Variants in ISCA1 observed in about 807,000 individuals in gnomAD.
ISCA1 encodes the protein iron-sulfur cluster assembly 1.
Under a neutral mutation model 14.7 loss-of-function variants are expected in ISCA1, and 9 were observed. The observed-to-expected ratio is 0.61, with a 90% CI of 0.37 to 1.07. The LOEUF is 1.07. Among genes scored for constraint, ISCA1 ranks in the 50% least tolerant of loss-of-function variants. The pLI is 0.01. For missense variants in ISCA1, 102 were observed against 150.1 expected, an observed-to-expected ratio of 0.68 and a Z score of 1.67; for synonymous variants, 38 against 54.3, an observed-to-expected ratio of 0.70 and a Z score of 1.32.
chr9:86,265,859 C>A lies in ISCA1; in HGVS notation c.*184G>T, dbSNP rs1825286725. The stretch of plus-strand genomic sequence containing the variant: ...CTAAATGATCCAAAAAGAGTGATGG[C>A]TTCTCATTTTCTGTCCCCTATAGAG... On this transcript the variant is annotated 3_prime_UTR_variant, in exon 4 of 4. Coordinates refer to ENST00000375991, the MANE Select transcript of ISCA1 (RefSeq NM_030940.4). 1.0e-6 allele frequency: 1 copy of A among 952,828 alleles called. No homozygotes were observed. Among genetic ancestry groups the A allele is most frequent in the Non-Finnish European group, 1.7e-6 (1 of 603,212 alleles). 59.0% of individuals were successfully genotyped at this position (952,828 alleles called of 1,614,324 possible).
intron 3 of ISCA1, among the ~76,000 whole-genome samples, chr9:86,270,091 T>C (rs1825347669): frequency 1.3e-5 from 2 of 150,298 alleles, no homozygotes; most frequent in Admixed American, 6.6e-5. Context: ...AATTGACAAA[T>C]GGGATCTAAT....
rs1439053404 is a variant in ISCA1, at chr9:86,265,642, A to T, written c.*401T>A. The stretch of plus-strand genomic sequence containing the variant: ...TGGGTGGAAAAAACAATGCACCACC[A>T]TATTACTACCAGCAGTCACGATGTC... On this transcript the variant is annotated 3_prime_UTR_variant, in exon 4 of 4. Coordinates refer to ENST00000375991, the MANE Select transcript of ISCA1 (RefSeq NM_030940.4). 4.3e-6 allele frequency: 1 copy of T among 233,396 alleles called. No homozygotes were observed. The highest frequency in any genetic ancestry group is 5.8e-5 in the South Asian group (1 of 17,112). The allele number at this position is 233,396 out of a possible 1,614,324, so 14.5% of individuals were successfully genotyped here.
At position 86,268,271 on chromosome 9, in the gene ISCA1, T is replaced by C. The variant is rs28893219; in HGVS notation, c.242-2080A>G. Among the ~76,000 whole-genome samples the C allele has an allele frequency of 1.6e-3, 251 of 152,226 alleles. 2 individuals carry two copies. The highest frequency in any genetic ancestry group is 5.6e-3 in the African/African-American group (231 of 41,532). On this transcript the variant is annotated intron_variant, in intron 3 of 3. Coordinates refer to ENST00000375991, the MANE Select transcript of ISCA1 (RefSeq NM_030940.4). ...AGGTGGTGGAAGACAGGGATATTGA[T>C]GAACCTGACCCTGTGGAGGCCTAAG...
chr9:86,270,639 C>T (rs952757687), intron 3 of ISCA1, among the ~76,000 whole-genome samples: 17 of 152,050 alleles, frequency 1.1e-4, no homozygotes, highest in African/African-American at 9.7e-5. Context: ...AAGACACATG[C>T]ACACGTATGT....
At position 86,282,349 on chromosome 9, in the gene ISCA1, G is replaced by C; in HGVS notation, c.81+29C>G. 3 of 1,535,998 alleles carry C rather than the reference G, an allele frequency of 2.0e-6. No individual in the cohort carries two copies. The South Asian group carries it at 3.6e-5, about 18-fold the overall frequency. ...ACGGGGCGGACACGAGCAATGTCACGGGCCCCGCCGCGCGCCGCGAGCACT... is the reference window on the plus strand; with the variant it reads ...ACGGGGCGGACACGAGCAATGTCACCGGCCCCGCCGCGCGCCGCGAGCACT... On this transcript the variant is annotated intron_variant, in intron 1 of 3. Transcript: ENST00000375991.
In ISCA1 at chr9:86,282,535, C is replaced by T. The variant is rs897791443; in HGVS notation, c.-77G>A. 3.2e-6 allele frequency: 5 copies of T among 1,549,138 alleles called. No individual in the cohort carries two copies. Among genetic ancestry groups the T allele is most frequent in the Admixed American group, 2.0e-5 (1 of 50,958 alleles). On this transcript the variant is annotated 5_prime_UTR_variant, in exon 1 of 4. The change abolishes an upstream ATG in the 5' untranslated region. Coordinates refer to ENST00000375991, the MANE Select transcript of ISCA1 (RefSeq NM_030940.4). ...CTTCTCTCCATGGACACGGCGGGCG[C>T]ATTGACGCCACAAGCTTCGGCGCAC...
intron 3 of ISCA1, 125 bp from the exon 4 acceptor site, chr9:86,266,316 T>C: frequency 7.1e-7 from 1 of 1,399,446 alleles, no homozygotes; most frequent in Admixed American, 2.9e-5. Context: ...TTGAACATTT[T>C]AAATTATTTC....
chr9:86,276,743 C>T (rs1217679251), intron 1 of ISCA1, among the ~76,000 whole-genome samples: 10 of 151,824 alleles, frequency 6.6e-5, no homozygotes, highest in South Asian at 4.2e-4. Context: ...TGATGGCATG[C>T]GCCTGTAATC....
intron 3 of ISCA1, 64 bp downstream of exon 3, chr9:86,271,943 G>T: frequency 1.2e-6 from 1 of 833,462 alleles, no homozygotes; most frequent in South Asian, 1.4e-5. Context: ...TTTACTTTGT[G>T]CTGTGCAAGG....
intron 3 of ISCA1, among the ~76,000 whole-genome samples, 179 bp from the exon 4 acceptor site, chr9:86,266,370 C>T (rs929860140): frequency 2.6e-5 from 4 of 152,064 alleles, no homozygotes; most frequent in Admixed American, 2.6e-4. Flanking sequence ...CCCTTCTTTC[C>T]CACACATGAA....
At position 86,272,152 on chromosome 9, in the gene ISCA1, G is replaced by A. The variant is rs747418596; in HGVS notation, c.136-40C>T. The A allele has an allele frequency of 8.3e-6, 10 of 1,203,764 alleles. No homozygotes were observed. The Admixed American group carries it at 1.8e-4, about 22-fold the overall frequency. The allele number at this position is 1,203,764 out of a possible 1,614,324, so 74.6% of individuals were successfully genotyped here. A position where few individuals can be genotyped will look rare whatever the true frequency, so the allele number is the denominator to read the frequency against. ...AAAATATAAACTTGGTTTTAAAGTA[G>A]TACAGATTAAACAATTATACTAATA... On this transcript the variant is annotated intron_variant, in intron 2 of 3. Transcript: ENST00000375991.
chr9:86,267,835 TAA>T (rs34344174), intron 3 of ISCA1: 63 of 117,686 alleles, frequency 5.4e-4, no homozygotes, highest in Middle Eastern at 3.8e-3. Flanking sequence ...CATCTCAAAT[TAA>T]AAAAAAAAAA....
chr9:86,271,885 C>T (rs747679202), intron 3 of ISCA1, 122 bp downstream of exon 3: 33 of 632,806 alleles, frequency 5.2e-5, no homozygotes, highest in Non-Finnish European at 8.3e-5. Context: ...ACAACACCTA[C>T]ACACACAGTG....
chr9:86,271,032 T>C (rs984610904), intron 3 of ISCA1, among the ~76,000 whole-genome samples: 2 of 151,524 alleles, frequency 1.3e-5, no homozygotes, highest in African/African-American at 4.8e-5. Flanking sequence ...GCATGGCACA[T>C]GTATACATAT....
At position 86,282,444 on chromosome 9, in the gene ISCA1, T is replaced by C. The variant is rs751851283; in HGVS notation, c.15A>G (p.Leu5=). 6 of 1,554,144 alleles carry C rather than the reference T, an allele frequency of 3.9e-6. No homozygotes were observed. In the South Asian group the frequency reaches 7.1e-5, roughly 18 times the overall value. Residue 5 remains leucine, a synonymous_variant, in exon 1 of 4, where the codon TTA becomes TTG. Coordinates refer to ENST00000375991, the MANE Select transcript of ISCA1 (RefSeq NM_030940.4). MSAS[L]VRATVRAVSK... is the part of the protein sequence containing the mutation. ...TCACAGCCCGGACAGTTGCCCGGAC[T>C]AAGGAAGCCGACATCTTCGCCGTCC... is the stretch of plus-strand genomic sequence containing the variant.
chr9:86,266,097 G>T lies in ISCA1; in HGVS notation c.336C>A (p.Phe112Leu). The T allele has an allele frequency of 6.2e-7, 1 of 1,612,844 alleles. No individual in the cohort carries two copies. The highest frequency in any genetic ancestry group is 8.5e-7 in the Non-Finnish European group (1 of 1,179,702). Residue 112 changes from phenylalanine to leucine, a missense_variant, in exon 4 of 4, where the codon TTC becomes TTA. Coordinates refer to ENST00000375991, the MANE Select transcript of ISCA1 (RefSeq NM_030940.4). Reference protein sequence around the residue: ...VEDKLSSEFVFNNPNIKGTCG... With the variant: ...VEDKLSSEFVLNNPNIKGTCG... ...AAGTCCCTTTGATGTTTGGGTTATT[G>T]AACACAAACTCACTGGATAATTTGT...
chr9:86,277,020 T>C (rs1483132323), intron 1 of ISCA1, among the ~76,000 whole-genome samples: 2 of 152,144 alleles, frequency 1.3e-5, no homozygotes, highest in Admixed American at 1.3e-4. Context: ...AATGTGTCTG[T>C]CACACTACTC....
rs561276699 is a variant in ISCA1 at position 86,273,097 on chromosome 9, A to C, written c.136-985T>G. On this transcript the variant is annotated intron_variant, in intron 2 of 3. Coordinates refer to ENST00000375991, the MANE Select transcript of ISCA1 (RefSeq NM_030940.4). Reference sequence around the variant, plus strand: ...CAATTTGTAGTCTACTCATCGGTCTATCCAAATTGAATCAGAACACTGATA... The same window carrying C: ...CAATTTGTAGTCTACTCATCGGTCTCTCCAAATTGAATCAGAACACTGATA... Among the ~76,000 whole-genome samples the C allele has an allele frequency of 9.2e-5, 14 of 152,372 alleles. No homozygotes were observed. The South Asian group carries it at 2.9e-3, about 32-fold the overall frequency.
intron 3 of ISCA1, among the ~76,000 whole-genome samples, chr9:86,270,926 A>G (rs1366109430): frequency 8.3e-6 from 1 of 120,454 alleles, no homozygotes; most frequent in Non-Finnish European, 1.6e-5. Context: ...GGAACATCAC[A>G]CTCTGGGGAC....
Sources: allele counts gnomAD v4.1 joint callset (sites outside exome capture counted in the v4.1 genomes callset), GRCh38; gene constraint gnomAD v4.1.1; transcripts MANE v1.5; gene names NCBI Gene and HGNC (gene_info 2026-07-23, HGNC 2026-07-21).